Variants in C1orf146 observed in about 807,000 individuals in gnomAD.
C1orf146 encodes the protein protein SPO16 homolog.
A neutral mutation model predicts 23.0 loss-of-function variants in C1orf146; 22 were observed. That is an observed-to-expected ratio of 0.96 (90% confidence interval 0.68 to 1.36). The LOEUF (loss-of-function observed/expected upper bound fraction) is 1.36. Among genes scored for constraint, C1orf146 ranks in the 40% most tolerant of loss-of-function variants. The pLI, the probability that C1orf146 is intolerant of heterozygous loss-of-function variation, is 0.00. For missense variants in C1orf146, 199 were observed against 206.8 expected (o/e 0.96, Z 0.23); for synonymous variants, 59 against 65.3 (o/e 0.90, Z 0.47).
At chr1:92,240,434 C>T (rs942926783) in intron 2 of C1orf146, among the ~76,000 whole-genome samples, 1 of 152,118 alleles carries the variant, frequency 6.6e-6, no homozygotes, top group African/African-American at 2.4e-5. Context: ...CTTAATCTGC[C>T]ATTGCTGGAA....
In C1orf146 at chr1:92,242,290, A is replaced by G. The variant is rs1023221786; in HGVS notation, c.145A>G (p.Ile49Val). The change falls in exon 3 of 6, where the codon ATA becomes GTA. Residue 49 changes from isoleucine (I) to valine (V), a missense_variant. Coordinates refer to ENST00000370375, the MANE Select transcript of C1orf146 (RefSeq NM_001012425.2). ...AGATTCAGTGGAAAATGGATCAATT[A>G]TATTTTCTCTTTCTGGTATGGTATA... ...YSDSVENGSI[I>V]FSLSGVAFLL... is the part of the protein sequence containing the mutation. 1 of 1,589,672 alleles carries G rather than the reference A, an allele frequency of 6.3e-7. No individual in the cohort carries two copies. The highest frequency in any genetic ancestry group is 8.6e-7 in the Non-Finnish European group (1 of 1,163,410).
At chr1:92,237,003 C>A (rs1056319504) in intron 2 of C1orf146, among the ~76,000 whole-genome samples, 2 of 152,132 alleles carry the variant, frequency 1.3e-5, no homozygotes, top group African/African-American at 4.8e-5. Flanking sequence ...TCTAGTTATA[C>A]GTTCGCCTAA....
At position 92,245,568 on chromosome 1, in the gene C1orf146, T is replaced by A. The variant is rs199870882; in HGVS notation, c.437T>A (p.Ile146Asn). The stretch of plus-strand genomic sequence containing the variant: ...ACCTCCAAACCATACATAGATAGCA[T>A]TTGCTACAGAATGATAACAGCTAAA... ...KTTSKPYIDSICYRMITAKAY... is the reference protein window; with the variant it reads ...KTTSKPYIDSNCYRMITAKAY... Residue 146 changes from isoleucine to asparagine, a missense_variant, in exon 6 of 6, where the codon ATT (isoleucine) becomes AAT (asparagine). Transcript: ENST00000370375. 6.3e-7 allele frequency: 1 copy of A among 1,596,818 alleles called. No individual in the cohort carries two copies. The highest frequency in any genetic ancestry group is 2.3e-5 in the East Asian group (1 of 43,810).
rs113559985 is a variant in C1orf146, at chr1:92,229,758, CAGGTAGAAAATACAT to C, written c.-39-1621_-39-1607del. ...GGTGGCACAGAAGACAAGTCACAAACAGGTAGAAAATACATAGCCAACAAAGGACTGATATCTATA... is the reference window on the plus strand; with the variant it reads ...GGTGGCACAGAAGACAAGTCACAAACAGCCAACAAAGGACTGATATCTATA... On this transcript the variant is annotated intron_variant, in intron 1 of 5. Transcript: ENST00000370375. Among the ~76,000 whole-genome samples, 1,183 of 152,092 alleles carry C rather than the reference CAGGTAGAAAATACAT, an allele frequency of 7.8e-3. 6 individuals carry two copies. The highest frequency in any genetic ancestry group is 0.027 in the African/African-American group (1,134 of 41,482).
intron 2 of C1orf146, among the ~76,000 whole-genome samples, chr1:92,235,851 T>C (rs1249898623): frequency 5.3e-5 from 8 of 152,182 alleles, no homozygotes; most frequent in Non-Finnish European, 7.4e-5. Context: ...ATTGATCCCT[T>C]TACCATTATG....
chr1:92,221,811 A>G (rs1172817516), intron 1 of C1orf146, among the ~76,000 whole-genome samples: 1 of 152,256 alleles, frequency 6.6e-6, no homozygotes, highest in Non-Finnish European at 1.5e-5. Flanking sequence ...TTTGCTGCAG[A>G]TACCAGAATC....
In C1orf146 at chr1:92,230,763, C is replaced by A. The variant is rs369255193; in HGVS notation, c.-39-619C>A. Among the ~76,000 whole-genome samples, 13 of 151,924 alleles carry A rather than the reference C, an allele frequency of 8.6e-5. 1 individual carries two copies. The East Asian group carries it at 2.5e-3, about 29-fold the overall frequency. On this transcript the variant is annotated intron_variant, in intron 1 of 5. Transcript: ENST00000370375. The stretch of plus-strand genomic sequence containing the variant: ...CCAGCCTGTGGGTAAAAGAGTGAGA[C>A]CCTCTTTAAAAAAAAATGCAAATAT...
At chr1:92,225,537 T>C (rs1651945777) in intron 1 of C1orf146, among the ~76,000 whole-genome samples, 1 of 152,248 alleles carries the variant, frequency 6.6e-6, no homozygotes, top group Non-Finnish European at 1.5e-5. Context: ...ATTTATTCTT[T>C]GATCTATGGG....
At chr1:92,241,494 GTTGT>G (rs1365230342) in intron 2 of C1orf146, among the ~76,000 whole-genome samples, 1 of 151,748 alleles carries the variant, frequency 6.6e-6, no homozygotes, top group African/African-American at 2.4e-5. Context: ...CAGCCTCCAA[GTTGT>G]TTGTTTTTTG....
chr1:92,218,790 G>T (rs1651748201), intron 1 of C1orf146, among the ~76,000 whole-genome samples: 1 of 152,060 alleles, frequency 6.6e-6, no homozygotes, highest in African/African-American at 2.4e-5. Context: ...TTGTTTTCAG[G>T]TGAGGATGCA....
At chr1:92,236,129 G>A (rs541601571) in intron 2 of C1orf146, among the ~76,000 whole-genome samples, 14 of 152,024 alleles carry the variant, frequency 9.2e-5, no homozygotes, top group Non-Finnish European at 1.6e-4. Context: ...ATATTGTTAT[G>A]TGTGAATTTG....
Position 92,244,759 on chromosome 1 carries a change from T to C in C1orf146, c.330-20T>C. 1 of 1,478,698 alleles carries C rather than the reference T, an allele frequency of 6.8e-7. No individual in the cohort carries two copies. Among genetic ancestry groups the C allele is most frequent in the Non-Finnish European group, 9.5e-7 (1 of 1,057,888 alleles). 91.6% of individuals were successfully genotyped at this position (1,478,698 alleles called of 1,614,324 possible). A position where few individuals can be genotyped will look rare whatever the true frequency, so the allele number is the denominator to read the frequency against. Reference sequence around the variant, plus strand: ...ATGTCAGCAAGTTATATGATCTGTATAACATGAATTGTTTTTCAGATTCCT... The same window carrying C: ...ATGTCAGCAAGTTATATGATCTGTACAACATGAATTGTTTTTCAGATTCCT... On this transcript the variant is annotated intron_variant, in intron 4 of 5. Coordinates refer to ENST00000370375, the MANE Select transcript of C1orf146 (RefSeq NM_001012425.2).
At chr1:92,244,675 A>AT (rs1570800994) in intron 4 of C1orf146, 104 bp from the exon 5 acceptor site, 1 of 757,618 alleles carries the variant, frequency 1.3e-6, no homozygotes, top group East Asian at 2.6e-5. Context: ...GCATGAATGC[A>AT]TAGACAAATA....
intron 1 of C1orf146, among the ~76,000 whole-genome samples, chr1:92,224,299 C>G (rs929340843): frequency 6.6e-6 from 1 of 152,098 alleles, no homozygotes; most frequent in African/African-American, 2.4e-5. Context: ...CTGCTCGCCT[C>G]AGCCTCCCAA....
chr1:92,242,850 T>A (rs1570799190), intron 3 of C1orf146, among the ~76,000 whole-genome samples: 1 of 152,168 alleles, frequency 6.6e-6, no homozygotes, highest in East Asian at 1.9e-4. Context: ...GAGGTCCACC[T>A]GTGCTTGAGA....
chr1:92,224,866 C>T (rs759938583), intron 1 of C1orf146, among the ~76,000 whole-genome samples: 13 of 152,090 alleles, frequency 8.5e-5, no homozygotes, highest in Non-Finnish European at 1.5e-4. Context: ...CCTCAGCCTC[C>T]GGAGTAGCTG....
chr1:92,229,864 CAT>C (rs1003523763), intron 1 of C1orf146, among the ~76,000 whole-genome samples: 13 of 152,122 alleles, frequency 8.5e-5, no homozygotes, highest in East Asian at 7.7e-4. Context: ...GGGCAAAAGA[CAT>C]GTGGAGATAT....
intron 1 of C1orf146, among the ~76,000 whole-genome samples, chr1:92,221,951 C>T (rs1651826498): frequency 6.6e-6 from 1 of 152,124 alleles, no homozygotes; most frequent in Non-Finnish European, 1.5e-5. Flanking sequence ...ATTTAAAAAC[C>T]TGTAAGATGG....
rs749166867 is a variant in C1orf146, at chr1:92,231,411, C to G, written c.-10C>G. Reference sequence around the variant, plus strand: ...TTGCACCATTAGAAGCTAGGTTGATCCACAGACAGATGGCTGAAAGTGGAA... The same window carrying G: ...TTGCACCATTAGAAGCTAGGTTGATGCACAGACAGATGGCTGAAAGTGGAA... On this transcript the variant is annotated 5_prime_UTR_variant, in exon 2 of 6. It adds an upstream start codon to the 5' untranslated region. Coordinates refer to ENST00000370375, the MANE Select transcript of C1orf146 (RefSeq NM_001012425.2). 6.2e-7 allele frequency: 1 copy of G among 1,600,400 alleles called. No homozygotes were observed. Among genetic ancestry groups the G allele is most frequent in the East Asian group, 2.3e-5 (1 of 44,314 alleles).
Sources: allele counts gnomAD v4.1 joint callset (sites outside exome capture counted in the v4.1 genomes callset), GRCh38; gene constraint gnomAD v4.1.1; transcripts MANE v1.5; gene names NCBI Gene and HGNC (gene_info 2026-07-23, HGNC 2026-07-21).